Variants in TNR observed in about 807,000 individuals in gnomAD.
The protein encoded by TNR is tenascin R, also known as tenascin-R.
Under a neutral mutation model 150.4 loss-of-function variants are expected in TNR, and 45 were observed. The observed-to-expected ratio is 0.30, with a 90% confidence interval of 0.24 to 0.38. The LOEUF (loss-of-function observed/expected upper bound fraction) is 0.38, where lower values mean the gene tolerates loss of function less well. Among genes scored for constraint, TNR ranks in the 10% least tolerant of loss-of-function variants. The pLI is 1.00. For synonymous variants in TNR, 687 were observed against 678.4 expected, an observed-to-expected ratio of 1.01 and a Z score of -0.20; for missense variants, 1,544 against 1,759.1, an observed-to-expected ratio of 0.88 and a Z score of 2.19.
At chr1:175,675,299 G>GAA (rs1400267391) in intron 1 of TNR, among the ~76,000 whole-genome samples, 4 of 152,170 alleles carry the variant, frequency 2.6e-5, no homozygotes, top group Non-Finnish European at 4.4e-5. Flanking sequence ...CCTCGTTACT[G>GAA]AACCTGCCTC....
chr1:175,424,588 C>T (rs1272669961), intron 2 of TNR, among the ~76,000 whole-genome samples: 1 of 152,186 alleles, frequency 6.6e-6, no homozygotes, highest in African/African-American at 2.4e-5. Context: ...AAGGTCTGCT[C>T]TCCCTGACTC....
At chr1:175,571,685 T>A (rs1661877283) in intron 1 of TNR, among the ~76,000 whole-genome samples, 2 of 152,218 alleles carry the variant, frequency 1.3e-5, no homozygotes, top group Non-Finnish European at 2.9e-5. Flanking sequence ...TCTCCTGCTG[T>A]CACCCCACTA....
intron 1 of TNR, among the ~76,000 whole-genome samples, chr1:175,566,441 A>T (rs757438723): frequency 2.0e-5 from 3 of 152,244 alleles, no homozygotes; most frequent in Non-Finnish European, 2.9e-5. Flanking sequence ...CTTGCAAGAG[A>T]ACAGCCTGTG....
At chr1:175,690,278 G>T (rs1042791371) in intron 1 of TNR, among the ~76,000 whole-genome samples, 1 of 152,210 alleles carries the variant, frequency 6.6e-6, no homozygotes, top group African/African-American at 2.4e-5. Context: ...GACAGATGAG[G>T]TCTCTGCTTC....
chr1:175,688,070 G>A (rs572911612), intron 1 of TNR, among the ~76,000 whole-genome samples: 24 of 152,230 alleles, frequency 1.6e-4, no homozygotes, highest in Non-Finnish European at 3.1e-4. Context: ...GGAACACGAT[G>A]GGAGAACAAG....
At chr1:175,437,483 CA>C (rs1436979258) in intron 2 of TNR, among the ~76,000 whole-genome samples, 2 of 152,098 alleles carry the variant, frequency 1.3e-5, no homozygotes, top group Non-Finnish European at 2.9e-5. Flanking sequence ...GAAGCAAGAG[CA>C]AATACATTCA....
At chr1:175,409,689 C>T (rs1654123867) in intron 2 of TNR, among the ~76,000 whole-genome samples, 1 of 152,142 alleles carries the variant, frequency 6.6e-6, no homozygotes, top group Non-Finnish European at 1.5e-5. Flanking sequence ...GTTGAAGGGA[C>T]TCAAAATCCT....
intron 1 of TNR, among the ~76,000 whole-genome samples, chr1:175,625,453 T>A (rs879303080): frequency 2.6e-5 from 4 of 152,194 alleles, no homozygotes; most frequent in Admixed American, 6.5e-5. Flanking sequence ...GGAAATGTGC[T>A]TTTTTGGCCT....
chr1:175,682,211 T>G (rs1318249833), intron 1 of TNR, among the ~76,000 whole-genome samples: 1 of 152,216 alleles, frequency 6.6e-6, no homozygotes, highest in East Asian at 1.9e-4. Context: ...TACAATGTAT[T>G]AATTACTAAC....
intron 20 of TNR, among the ~76,000 whole-genome samples, chr1:175,331,069 CTTT>C (rs1557867952): frequency 2.3e-4 from 29 of 127,624 alleles, no homozygotes; most frequent in East Asian, 1.8e-3. Context: ...TTCTTTCTTT[CTTT>C]CTTTCCTTCT....
At chr1:175,505,155 C>G (rs1658903710) in intron 2 of TNR, among the ~76,000 whole-genome samples, 1 of 145,476 alleles carries the variant, frequency 6.9e-6, no homozygotes, top group African/African-American at 2.5e-5. Flanking sequence ...GGCTGCCTCG[C>G]TGTGCCCACC....
intron 1 of TNR, among the ~76,000 whole-genome samples, chr1:175,690,171 G>T (rs116326347): frequency 0.024 from 3,638 of 152,212 alleles, 126 homozygotes; most frequent in African/African-American, 0.079. Context: ...TTACATTGCC[G>T]TGGATCTTTA....
chr1:175,609,673 G>C (rs1314078192), intron 1 of TNR, among the ~76,000 whole-genome samples: 1 of 152,214 alleles, frequency 6.6e-6, no homozygotes, highest in South Asian at 2.1e-4. Context: ...GGACCCACCT[G>C]TGCTGAGATG....
chr1:175,357,050 T>G (rs1651366364), intron 15 of TNR, among the ~76,000 whole-genome samples: 1 of 152,248 alleles, frequency 6.6e-6, no homozygotes, highest in African/African-American at 2.4e-5. Flanking sequence ...GCCAAGATTA[T>G]TGCTAATCAA....
intron 9 of TNR, among the ~76,000 whole-genome samples, chr1:175,369,243 C>T (rs532990211): frequency 4.7e-4 from 72 of 152,350 alleles, no homozygotes; most frequent in Non-Finnish European, 8.8e-4. Flanking sequence ...TAAATTACCA[C>T]ACACAGTGTG....
intron 1 of TNR, among the ~76,000 whole-genome samples, chr1:175,540,296 A>G (rs566968764): frequency 6.6e-6 from 1 of 152,292 alleles, no homozygotes; most frequent in African/African-American, 2.4e-5. Context: ...GCTGAGCACC[A>G]CTGATCACAC....
chr1:175,429,245 A>G (rs1655150036), intron 2 of TNR, among the ~76,000 whole-genome samples: 1 of 152,216 alleles, frequency 6.6e-6, no homozygotes, highest in African/African-American at 2.4e-5. Context: ...ACATGCAAAC[A>G]TGATTTGTGA....
At position 175,370,338 on chromosome 1, in the gene TNR, C is replaced by CTTTTTTTTTTTTTTTTTTTTTTT. The variant is rs55795922; in HGVS notation, c.1964-3064_1964-3042dup. On this transcript the variant is annotated intron_variant, in intron 9 of 22. Transcript: ENST00000367674. ...GAGAACTATTCCTGGATTTTGAGTA[C>CTTTTTTTTTTTTTTTTTTTTTTT]TTTTTTTTTTTTTTTTTTTTTTTTT... Among the ~76,000 whole-genome samples the CTTTTTTTTTTTTTTTTTTTTTTT allele has an allele frequency of 1.3e-3, 54 of 42,974 alleles. 11 individuals are homozygous for CTTTTTTTTTTTTTTTTTTTTTTT. Among genetic ancestry groups the CTTTTTTTTTTTTTTTTTTTTTTT allele is most frequent in the African/African-American group, 4.3e-3 (51 of 11,804 alleles). 28.2% of individuals were successfully genotyped at this position (42,974 alleles called of 152,430 possible).
chr1:175,573,968 A>T (rs1022244489), intron 1 of TNR, among the ~76,000 whole-genome samples: 2 of 152,308 alleles, frequency 1.3e-5, no homozygotes, highest in Middle Eastern at 6.8e-3. Flanking sequence ...CATTTCCTGC[A>T]TATGGGATGG....
Sources: gnomAD v4.1 joint callset for allele counts (sites outside exome capture counted in the v4.1 genomes callset) on GRCh38, gnomAD v4.1.1 for gene constraint, MANE v1.5 for transcripts, NCBI Gene and HGNC (gene_info 2026-07-23, HGNC 2026-07-21) for gene names.